MYT1: variants seen among roughly 807,000 people sequenced by gnomAD.
MYT1 encodes the protein myelin transcription factor 1.
In MYT1, 23 loss-of-function variants were observed where a neutral mutation model predicts 123.0. That is an observed-to-expected ratio of 0.19 (90% CI 0.13 to 0.26). MYT1 has a LOEUF of 0.26. Among genes scored for constraint, MYT1 ranks in the 10% least tolerant of loss-of-function variants. The pLI, the probability that MYT1 is intolerant of heterozygous loss-of-function variation, is 1.00. For synonymous variants in MYT1, 518 were observed against 575.3 expected (o/e 0.90, Z 1.43); for missense variants, 1,125 against 1,472.5 (o/e 0.76, Z 3.86).
At position 64,237,404 on chromosome 20, in the gene MYT1, C is replaced by G. The variant is rs1004324549; in HGVS notation, c.3093+14C>G. On this transcript the variant is annotated intron_variant, in intron 21 of 22. Transcript: ENST00000328439. Reference sequence around the variant, plus strand: ...CTGCAGTCCCAGGTAGGTGGTGCCGCCCCCCGCTCCTGGGCTCTTTGCCCA... The same window carrying G: ...CTGCAGTCCCAGGTAGGTGGTGCCGGCCCCCGCTCCTGGGCTCTTTGCCCA... 28 of 1,582,678 alleles carry G rather than the reference C, an allele frequency of 1.8e-5. No individual in the cohort carries two copies. The highest frequency in any genetic ancestry group is 2.3e-5 in the Non-Finnish European group (27 of 1,162,854).
rs543872022 is a variant in MYT1 at position 64,203,768 on chromosome 20, C to G, written c.87-1267C>G. On this transcript the variant is annotated intron_variant, in intron 4 of 22. Transcript: ENST00000328439. This position sits in a 1 kb window ranked among gnomAD's most constrained non-coding sequence, Gnocchi z 5.1. ...ACTGGGCCCCACAGTTGTCTGCAGT[C>G]AGGCCTGTGATCAGTCGAATTAGAA... Among the ~76,000 whole-genome samples the G allele has an allele frequency of 4.6e-5, 7 of 152,342 alleles. No homozygotes were observed. The highest frequency in any genetic ancestry group is 4.6e-4 in the Admixed American group (7 of 15,308).
At chr20:64,217,309 C>G in intron 11 of MYT1, 28 bp downstream of exon 11, 3 of 1,611,360 alleles carry the variant, frequency 1.9e-6, no homozygotes, top group Non-Finnish European at 2.5e-6. Context: ...GTTCTTGTTT[C>G]TCTTCTGTGT....
rs776601464 is a variant in MYT1, at chr20:64,192,605, G to T, written c.-1+2445G>T. 2.6e-5 allele frequency among the ~76,000 whole-genome samples: 4 copies of T among 152,238 alleles called. No homozygotes were observed. The highest frequency in any genetic ancestry group is 4.4e-5 in the Non-Finnish European group (3 of 68,046). ...CCAGGCATGTGGACAGCTCAGGACC[G>T]GTTGGAAGGGGCTGCCAGAAGTCAG... On this transcript the variant is annotated intron_variant, in intron 2 of 22. Transcript: ENST00000328439. This position sits in a 1 kb window ranked among gnomAD's most constrained non-coding sequence, Gnocchi z 5.3.
rs1238206719 is a variant in MYT1 at position 64,166,731 on chromosome 20, G to A, written c.-99+1992G>A. On this transcript the variant is annotated intron_variant, in intron 1 of 22. Coordinates refer to ENST00000328439, the MANE Select transcript of MYT1 (RefSeq NM_004535.3). The surrounding 1 kb of genome is among the most constrained non-coding windows in gnomAD (Gnocchi z 4.9). ...CCTTGAATGCCCCTGGTGCATGAGT[G>A]GGGAAACACTCTCTGAGATGACCCC... 6.6e-6 allele frequency among the ~76,000 whole-genome samples: 1 copy of A among 152,220 alleles called. No homozygotes were observed. Among genetic ancestry groups the A allele is most frequent in the Non-Finnish European group, 1.5e-5 (1 of 68,034 alleles).
chr20:64,236,739 G>A (rs1225613109), intron 20 of MYT1, 93 bp downstream of exon 20: 2 of 1,105,456 alleles, frequency 1.8e-6, no homozygotes, highest in Admixed American at 1.8e-5. Flanking sequence ...AGAAGGTTAG[G>A]GAGATGAAGC....
At chr20:64,181,148 G>A (rs916777490) in intron 1 of MYT1, among the ~76,000 whole-genome samples, 1 of 152,110 alleles carries the variant, frequency 6.6e-6, no homozygotes, top group Non-Finnish European at 1.5e-5. Flanking sequence ...AGCTTTTAGG[G>A]TCTTTTTTCT....
intron 17 of MYT1, 31 bp downstream of exon 17, chr20:64,227,508 C>T (rs1262819927): frequency 6.2e-7 from 1 of 1,602,266 alleles, no homozygotes; most frequent in South Asian, 1.1e-5. Context: ...GGTCCTGGGC[C>T]CCAGGGGTGG....
At position 64,198,898 on chromosome 20, in the gene MYT1, C is replaced by G; in HGVS notation, c.37C>G (p.Arg13Gly). Residue 13 changes from arginine to glycine, a missense_variant, in exon 3 of 23, where the codon CGA (arginine) becomes GGA (glycine). Around this residue, in one of 4 missense-constraint regions of MYT1, gnomAD observed 406 missense variants for 432.2 expected, o/e 0.94. Coordinates refer to ENST00000328439, the MANE Select transcript of MYT1 (RefSeq NM_004535.3). ...LENEDKRART[R>G]SKALRGPPET... ...AAATGAAGACAAGCGAGCTCGCACC[C>G]GATCCAAGGCCCTGCGAGGTGAGTG... The G allele has an allele frequency of 1.2e-6, 2 of 1,614,172 alleles. No individual in the cohort carries two copies. Among genetic ancestry groups the G allele is most frequent in the South Asian group, 1.1e-5 (1 of 91,090 alleles).
chr20:64,185,719 A>G lies in MYT1; in HGVS notation c.-98-4344A>G, dbSNP rs568192493. Among the ~76,000 whole-genome samples the G allele has an allele frequency of 6.6e-6, 1 of 152,268 alleles. No individual in the cohort carries two copies. Among genetic ancestry groups the G allele is most frequent in the South Asian group, 2.1e-4 (1 of 4,822 alleles). Reference sequence around the variant, plus strand: ...CATGAAAACAGCCACGGTCGCCCGCAGGGGGTCCCCCATGGGGTTGTGCGT... The same window carrying G: ...CATGAAAACAGCCACGGTCGCCCGCGGGGGGTCCCCCATGGGGTTGTGCGT... On this transcript the variant is annotated intron_variant, in intron 1 of 22. Transcript: ENST00000328439. The surrounding 1 kb of genome is among the most constrained non-coding windows in gnomAD (Gnocchi z 4.5).
At position 64,225,265 on chromosome 20, in the gene MYT1, G is replaced by A. The variant is rs1038865443; in HGVS notation, c.2528+1906G>A. ...CCTGTGTGAGGCGGCATCGGGCACT[G>A]GCCCCTCCTGATCAGCCTCGTGGCA... On this transcript the variant is annotated intron_variant, in intron 16 of 22. Coordinates refer to ENST00000328439, the MANE Select transcript of MYT1 (RefSeq NM_004535.3). Among the ~76,000 whole-genome samples, 11 of 152,346 alleles carry A rather than the reference G, an allele frequency of 7.2e-5. No individual in the cohort carries two copies. The East Asian group carries it at 1.4e-3, about 19-fold the overall frequency.
intron 1 of MYT1, among the ~76,000 whole-genome samples, chr20:64,171,363 G>A (rs536644814): frequency 6.6e-6 from 1 of 152,328 alleles, no homozygotes; most frequent in East Asian, 1.9e-4. Flanking sequence ...ATGGCATTCA[G>A]GGAAGCAATC....
At chr20:64,211,978 T>TC in intron 8 of MYT1, 70 bp from the exon 9 acceptor site, 1 of 1,327,088 alleles carries the variant, frequency 7.5e-7, no homozygotes, top group East Asian at 2.3e-5. Context: ...CAGCCTGTGC[T>TC]CCCCACACAG....
intron 13 of MYT1, among the ~76,000 whole-genome samples, chr20:64,220,809 G>A (rs1011832687): frequency 1.7e-5 from 2 of 116,492 alleles, no homozygotes; most frequent in Non-Finnish European, 3.9e-5. Context: ...TATGAAGGGT[G>A]GGGGCTGGAT....
At chr20:64,211,645 G>A (rs574741551) in intron 8 of MYT1, among the ~76,000 whole-genome samples, 3 of 152,372 alleles carry the variant, frequency 2.0e-5, no homozygotes, top group African/African-American at 7.2e-5. Context: ...AAGCTGGGAA[G>A]GGAGAGGTCT....
chr20:64,165,329 C>T (rs1453110376), intron 1 of MYT1, among the ~76,000 whole-genome samples: 1 of 152,100 alleles, frequency 6.6e-6, no homozygotes, highest in East Asian at 1.9e-4. Flanking sequence ...AAGTAAATAT[C>T]GGCCGCTCCT....
At chr20:64,224,579 G>A (rs1984112442) in intron 16 of MYT1, among the ~76,000 whole-genome samples, 1 of 152,138 alleles carries the variant, frequency 6.6e-6, no homozygotes, top group South Asian at 2.1e-4. Context: ...CATTTTCTGA[G>A]GCTGAGATCA....
At position 64,185,804 on chromosome 20, in the gene MYT1, G is replaced by T. The variant is rs1464971193; in HGVS notation, c.-98-4259G>T. On this transcript the variant is annotated intron_variant, in intron 1 of 22. Coordinates refer to ENST00000328439, the MANE Select transcript of MYT1 (RefSeq NM_004535.3). This position sits in a 1 kb window ranked among gnomAD's most constrained non-coding sequence, Gnocchi z 4.5. ...TGTGCTGGCAGTGGGTCAGCCGGCAGCTGGGGTGTTAGCTCTGGGACAAGG... is the reference window on the plus strand; with the variant it reads ...TGTGCTGGCAGTGGGTCAGCCGGCATCTGGGGTGTTAGCTCTGGGACAAGG... Among the ~76,000 whole-genome samples the T allele has an allele frequency of 2.0e-4, 31 of 152,234 alleles. No individual in the cohort carries two copies. The highest frequency in any genetic ancestry group is 1.0e-4 in the Non-Finnish European group (7 of 68,036).
intron 17 of MYT1, 60 bp from the exon 18 acceptor site, chr20:64,227,828 C>T (rs1190306959): frequency 3.7e-5 from 47 of 1,257,692 alleles, no homozygotes; most frequent in Non-Finnish European, 4.4e-5. Context: ...GTGAGATGAA[C>T]GGGTGTGAGA....
rs757611894 is a variant in MYT1, at chr20:64,212,061, T to C, written c.1440T>C (p.His480=). 1.2e-6 allele frequency: 2 copies of C among 1,613,440 alleles called. No homozygotes were observed. Among genetic ancestry groups the C allele is most frequent in the South Asian group, 1.1e-5 (1 of 91,068 alleles). ...DRIPPEILAM[H]ENVLKCPTPG... The stretch of plus-strand genomic sequence containing the variant: ...GTTCTCTTACAGTCTTAGCCATGCA[T>C]GAGAACGTGCTGAAGTGCCCCACTC... The change falls in exon 9 of 23, where the codon CAT becomes CAC. Residue 480 remains histidine (H), a synonymous_variant. Coordinates refer to ENST00000328439, the MANE Select transcript of MYT1 (RefSeq NM_004535.3). The surrounding 1 kb of genome is among the most constrained non-coding windows in gnomAD (Gnocchi z 6.8).
Sources: gnomAD v4.1 joint callset for allele counts (sites outside exome capture counted in the v4.1 genomes callset) on GRCh38, gnomAD v4.1.1 for gene constraint, gnomAD v4.1.1 regional missense constraint, Gnocchi (gnomAD v3.1) non-coding constraint, MANE v1.5 for transcripts, NCBI Gene and HGNC (gene_info 2026-07-23, HGNC 2026-07-21) for gene names.